Variants in TMEM254 observed in about 807,000 individuals in gnomAD.
TMEM254 encodes transmembrane protein C10orf57.
A neutral mutation model predicts 13.9 loss-of-function variants in TMEM254; 16 were observed. The observed-to-expected ratio is 1.15, with a 90% CI of 0.78 to 1.75. The LOEUF (loss-of-function observed/expected upper bound fraction) is 1.75. TMEM254 is among the 40% of genes most tolerant of loss of function. The pLI, the probability that TMEM254 is intolerant of heterozygous loss-of-function variation, is 0.00. For missense variants in TMEM254, 155 were observed against 149.0 expected (o/e 1.04, Z -0.21); for synonymous variants, 61 against 56.4 (o/e 1.08, Z -0.36).
rs1398644456 is a variant in TMEM254 at position 80,085,499 on chromosome 10, G to A, written c.251+3295G>A. Among the ~76,000 whole-genome samples, 7 of 151,906 alleles carry A rather than the reference G, an allele frequency of 4.6e-5. No individual in the cohort carries two copies. The South Asian group carries it at 1.5e-3, about 32-fold the overall frequency. On this transcript the variant is annotated intron_variant, in intron 3 of 3. Coordinates refer to ENST00000372281, the MANE Select transcript of TMEM254 (RefSeq NM_025125.4). ...GGAGAATCGCTTGGACCTGGGAGGC[G>A]GAGGTTGCGGTGAGCTGAGATCGTA...
Position 80,079,640 on chromosome 10 carries a change from G to A in TMEM254, c.87+854G>A, listed in dbSNP as rs1173720006. 11 of 986,860 alleles carry A rather than the reference G, an allele frequency of 1.1e-5. No individual in the cohort carries two copies. In the Admixed American group the frequency reaches 6.7e-4, roughly 60 times the overall value. 61.1% of individuals were successfully genotyped at this position (986,860 alleles called of 1,614,324 possible). A position where few individuals can be genotyped will look rare whatever the true frequency, so the allele number is the denominator to read the frequency against. On this transcript the variant is annotated intron_variant, in intron 1 of 3. Coordinates refer to ENST00000372281, the MANE Select transcript of TMEM254 (RefSeq NM_025125.4). ...TGTACCTAGAAAAAGAGCGACGTTT[G>A]TTTGGCTGAGAAATAATCTGTTTAA...
intron 1 of TMEM254, chr10:80,079,198 T>TGGGGGGGG: frequency 6.2e-6 from 2 of 322,134 alleles, no homozygotes. Flanking sequence ...AGGCGTGGGG[T>TGGGGGGGG]GGGGCGGGGC....
At chr10:80,079,169 G>A (rs1221591766) in intron 1 of TMEM254, 1 of 1,310,470 alleles carries the variant, frequency 7.6e-7, no homozygotes, top group Admixed American at 2.3e-5. Flanking sequence ...CAGTCCTGGG[G>A]CTGGGCTACT....
intron 3 of TMEM254, chr10:80,086,160 G>A (rs1164100772): frequency 1.1e-5 from 11 of 1,034,052 alleles, no homozygotes; most frequent in Non-Finnish European, 1.5e-5. Flanking sequence ...CTTGGGTCTT[G>A]GTGGAATCAT....
intron 1 of TMEM254, chr10:80,079,288 C>G (rs1389169677): frequency 8.3e-7 from 1 of 1,207,600 alleles, no homozygotes; most frequent in Non-Finnish European, 1.1e-6. Context: ...GCGCATCTGA[C>G]GGTTGTCTCG....
chr10:80,087,659 A>G (rs1366857553), intron 3 of TMEM254, among the ~76,000 whole-genome samples: 1 of 152,140 alleles, frequency 6.6e-6, no homozygotes, highest in Non-Finnish European at 1.5e-5. Flanking sequence ...CCTAAAAATA[A>G]AACGAATGAC....
chr10:80,082,498 T>C (rs1246425794), intron 3 of TMEM254, among the ~76,000 whole-genome samples: 1 of 152,220 alleles, frequency 6.6e-6, no homozygotes, highest in African/African-American at 2.4e-5. Context: ...AGACTAGGAA[T>C]AGGAGCCTGG....
intron 1 of TMEM254, chr10:80,079,078 T>C (rs1176653458): frequency 4.2e-6 from 6 of 1,430,590 alleles, no homozygotes; most frequent in Non-Finnish European, 5.6e-6. Context: ...TCTGGGTTTT[T>C]CAAGAGGATG....
At chr10:80,090,440 C>A in intron 3 of TMEM254, 1 of 717,350 alleles carries the variant, frequency 1.4e-6, no homozygotes, top group Non-Finnish European at 2.6e-6. Context: ...TGGTAGGTAG[C>A]CACGCTAGGA....
In TMEM254 at chr10:80,090,930, G is replaced by A. The variant is rs1376704252; in HGVS notation, c.*13G>A. 1 of 1,613,192 alleles carries A rather than the reference G, an allele frequency of 6.2e-7. No homozygotes were observed. Among genetic ancestry groups the A allele is most frequent in the Non-Finnish European group, 8.5e-7 (1 of 1,179,706 alleles). On this transcript the variant is annotated 3_prime_UTR_variant, in exon 4 of 4. Coordinates refer to ENST00000372281, the MANE Select transcript of TMEM254 (RefSeq NM_025125.4). ...AAAACAAACTTGAAGTTGTCTGAAA[G>A]CTTGCTCTACACTTTTACATTCATC...
Position 80,089,252 on chromosome 10 carries a change from T to C in TMEM254, c.252-1545T>C, listed in dbSNP as rs59728670. On this transcript the variant is annotated intron_variant, in intron 3 of 3. Coordinates refer to ENST00000372281, the MANE Select transcript of TMEM254 (RefSeq NM_025125.4). ...AGTGCTGACTAGAAGTGTGCCTTGT[T>C]CTTGACCTCAAAGGAGAACTTTCAA... is the stretch of plus-strand genomic sequence containing the variant. Among the ~76,000 whole-genome samples the C allele has an allele frequency of 9.6e-4, 146 of 152,340 alleles. 1 individual carries two copies. Among genetic ancestry groups the C allele is most frequent in the African/African-American group, 3.4e-3 (142 of 41,580 alleles).
chr10:80,083,946 A>G (rs1172440264), intron 3 of TMEM254, among the ~76,000 whole-genome samples: 1 of 151,998 alleles, frequency 6.6e-6, no homozygotes, highest in Non-Finnish European at 1.5e-5. Flanking sequence ...AAAGCCAGGC[A>G]TGGTGGTGCG....
At chr10:80,085,215 A>G (rs1844252271) in intron 3 of TMEM254, among the ~76,000 whole-genome samples, 1 of 152,162 alleles carries the variant, frequency 6.6e-6, no homozygotes, top group South Asian at 2.1e-4. Context: ...ATGGTCTAAC[A>G]TGTTAGAATG....
chr10:80,092,533 A>G lies in TMEM254; in HGVS notation c.*1616A>G, dbSNP rs559119945. On this transcript the variant is annotated 3_prime_UTR_variant, in exon 4 of 4. Transcript: ENST00000372281. ...AATGAAATTGATTAACTTGAATAAA[A>G]TGCTGTGAATTTTCTCTAGCTGAAT... The G allele has an allele frequency of 1.0e-3, 158 of 152,346 alleles. No homozygotes were observed. The highest frequency in any genetic ancestry group is 3.6e-3 in the African/African-American group (149 of 41,588). 9.4% of individuals were successfully genotyped at this position (152,346 alleles called of 1,614,324 possible). A position where few individuals can be genotyped will look rare whatever the true frequency, so the allele number is the denominator to read the frequency against.
rs1844557951 is a variant in TMEM254 at position 80,091,047 on chromosome 10, A to AC, written c.*135dup. 1.6e-6 allele frequency: 2 copies of AC among 1,226,870 alleles called. No homozygotes were observed. The highest frequency in any genetic ancestry group is 3.1e-5 in the African/African-American group (2 of 65,368). 76.0% of individuals were successfully genotyped at this position (1,226,870 alleles called of 1,614,324 possible). ...AAACTGTCCTTCAAAGCTCTTTAAG[A>AC]CCCCCTCGTTAGTCAGTTTTTTCTC... On this transcript the variant is annotated 3_prime_UTR_variant, in exon 4 of 4. Transcript: ENST00000372281.
At chr10:80,081,504 A>AT in intron 1 of TMEM254, 1 of 616,540 alleles carries the variant, frequency 1.6e-6, no homozygotes, top group Non-Finnish European at 2.8e-6. Context: ...CCATCTCTAT[A>AT]TACAATTTTT....
intron 3 of TMEM254, chr10:80,090,282 C>T: frequency 1.5e-6 from 1 of 680,146 alleles, no homozygotes; most frequent in Admixed American, 2.2e-5. Flanking sequence ...TTTATCATGA[C>T]TGTGTGCCAG....
chr10:80,078,672 A>G lies in TMEM254; in HGVS notation c.-28A>G. On this transcript the variant is annotated 5_prime_UTR_variant, in exon 1 of 4. Coordinates refer to ENST00000372281, the MANE Select transcript of TMEM254 (RefSeq NM_025125.4). ...GCGCTCGCGCTCGACGGTGTCCTGA[A>G]GCGCGCTCCCGGGGAGGTGTTGCAG... is the stretch of plus-strand genomic sequence containing the variant. The G allele has an allele frequency of 1.9e-6, 3 of 1,572,630 alleles. No homozygotes were observed. The highest frequency in any genetic ancestry group is 2.6e-6 in the Non-Finnish European group (3 of 1,162,858).
chr10:80,085,479 A>C (rs1467575568), intron 3 of TMEM254, among the ~76,000 whole-genome samples: 2 of 151,926 alleles, frequency 1.3e-5, no homozygotes, highest in African/African-American at 4.8e-5. Context: ...AGGCAGGAGA[A>C]TCGCTTGGAC....
Sources: gnomAD v4.1 joint callset for allele counts (sites outside exome capture counted in the v4.1 genomes callset) on GRCh38, gnomAD v4.1.1 for gene constraint, MANE v1.5 for transcripts, NCBI Gene and HGNC (gene_info 2026-07-23, HGNC 2026-07-21) for gene names.